Variants in FUT8 observed in about 807,000 individuals in gnomAD.
FUT8 encodes fucosyltransferase 8.
Under a neutral mutation model 71.3 loss-of-function variants are expected in FUT8, and 29 were observed. That is an observed-to-expected ratio of 0.41 (90% CI 0.30 to 0.55). FUT8 has a LOEUF of 0.55. Among genes scored for constraint, FUT8 ranks in the 20% least tolerant of loss-of-function variants. The pLI is 0.34. For synonymous variants in FUT8, 254 were observed against 239.3 expected (o/e 1.06, Z -0.57); for missense variants, 544 against 702.1 (o/e 0.77, Z 2.55).
At chr14:65,554,414 CTA>C (rs1181323036) in intron 2 of FUT8, among the ~76,000 whole-genome samples, 1 of 109,704 alleles carries the variant, frequency 9.1e-6, no homozygotes, top group Non-Finnish European at 1.9e-5. Flanking sequence ...TTTTTTTTAA[CTA>C]TATATCTATA....
chr14:65,544,884 G>C (rs1418042642), intron 2 of FUT8, among the ~76,000 whole-genome samples: 1 of 151,720 alleles, frequency 6.6e-6, no homozygotes, highest in African/African-American at 2.4e-5. Context: ...TTATAATCTT[G>C]GTAGGATTTA....
chr14:65,436,042 T>C (rs766971637), intron 1 of FUT8, among the ~76,000 whole-genome samples: 5 of 151,390 alleles, frequency 3.3e-5, no homozygotes, highest in Non-Finnish European at 5.9e-5. Context: ...GCAGTTCTTC[T>C]ACCTCAGTCT....
chr14:65,532,751 T>C (rs1373013038), intron 2 of FUT8, among the ~76,000 whole-genome samples: 1 of 152,220 alleles, frequency 6.6e-6, no homozygotes, highest in African/African-American at 2.4e-5. Context: ...TACGTTGTAT[T>C]CCAGGCTTTT....
At chr14:65,667,411 AT>A (rs1466482142) in intron 6 of FUT8, among the ~76,000 whole-genome samples, 2 of 152,118 alleles carry the variant, frequency 1.3e-5, no homozygotes, top group Non-Finnish European at 2.9e-5. Context: ...CAAGAATGCA[AT>A]CCTAGTCAAA....
chr14:65,595,870 A>G (rs1204887314), intron 3 of FUT8, among the ~76,000 whole-genome samples: 2 of 152,060 alleles, frequency 1.3e-5, no homozygotes, highest in Non-Finnish European at 2.9e-5. Context: ...CAGCTTCCCA[A>G]AGTGCTGGGA....
chr14:65,557,129 T>A (rs745695527), intron 2 of FUT8, among the ~76,000 whole-genome samples: 1 of 152,222 alleles, frequency 6.6e-6, no homozygotes, highest in Non-Finnish European at 1.5e-5. Context: ...TCTCCTTATC[T>A]TACTGATATT....
chr14:65,404,497 G>C, the FUT8 span, among the ~76,000 whole-genome samples: 6 of 147,952 alleles, frequency 4.1e-5, no homozygotes. Flanking sequence ...TTCTTTTTGA[G>C]ACAGAGTCTT....
intron 2 of FUT8, among the ~76,000 whole-genome samples, chr14:65,530,859 A>G (rs1315884935): frequency 7.0e-6 from 1 of 143,286 alleles, no homozygotes; most frequent in Non-Finnish European, 1.5e-5. Context: ...TCCTCTCTCC[A>G]TCTCTCCCCA....
At chr14:65,663,320 A>G (rs374919051) in intron 6 of FUT8, among the ~76,000 whole-genome samples, 2 of 152,044 alleles carry the variant, frequency 1.3e-5, no homozygotes, top group Admixed American at 6.6e-5. Flanking sequence ...GGGGTTTTCT[A>G]TGAAGTTCTT....
At chr14:65,441,782 G>C (rs1271407256) in intron 1 of FUT8, among the ~76,000 whole-genome samples, 2 of 140,846 alleles carry the variant, frequency 1.4e-5, no homozygotes, top group African/African-American at 5.2e-5. Context: ...AAAAAAATCA[G>C]TTTGTATTTA....
chr14:65,642,032 AT>A (rs1048338849), intron 6 of FUT8, among the ~76,000 whole-genome samples: 7 of 151,968 alleles, frequency 4.6e-5, no homozygotes, highest in African/African-American at 1.7e-4. Context: ...AAAGTTTTTA[AT>A]TTTGACAAAG....
chr14:65,642,853 T>TG (rs1186614556), intron 6 of FUT8, among the ~76,000 whole-genome samples: 1 of 152,236 alleles, frequency 6.6e-6, no homozygotes, highest in African/African-American at 2.4e-5. Context: ...ATATTGATCT[T>TG]GCATCTTGCC....
At chr14:65,474,506 G>A (rs2066204586) in intron 2 of FUT8, among the ~76,000 whole-genome samples, 1 of 145,564 alleles carries the variant, frequency 6.9e-6, no homozygotes, top group Non-Finnish European at 1.5e-5. Flanking sequence ...CATGGGGCTG[G>A]GCGAATCGCT....
intron 1 of FUT8, among the ~76,000 whole-genome samples, chr14:65,428,106 T>A (rs2065416717): frequency 6.6e-6 from 1 of 152,210 alleles, no homozygotes; most frequent in Non-Finnish European, 1.5e-5. Flanking sequence ...GCCTCTGCTT[T>A]TTCTTCCATA....
intron 1 of FUT8, among the ~76,000 whole-genome samples, chr14:65,439,958 ATAT>A (rs2065623094): frequency 4.2e-5 from 3 of 72,084 alleles, no homozygotes; most frequent in African/African-American, 2.0e-4. Flanking sequence ...GTGTGTGTAT[ATAT>A]ATATATATAT....
intron 9 of FUT8, among the ~76,000 whole-genome samples, chr14:65,729,154 T>A (rs571452932): frequency 8.7e-5 from 13 of 149,192 alleles, no homozygotes; most frequent in African/African-American, 3.2e-4. Context: ...GCTTCCTGAG[T>A]AGCTGGGACC....
chr14:65,623,822 CT>C (rs1380351370), intron 5 of FUT8, among the ~76,000 whole-genome samples: 2 of 152,164 alleles, frequency 1.3e-5, no homozygotes, highest in Non-Finnish European at 2.9e-5. Flanking sequence ...CCTTGCCTAG[CT>C]TTGTTATTTC....
chr14:65,652,882 A>T lies in FUT8; in HGVS notation c.598-16361A>T, dbSNP rs974045888. 1.3e-5 allele frequency among the ~76,000 whole-genome samples: 2 copies of T among 152,212 alleles called. No individual in the cohort carries two copies. Among genetic ancestry groups the T allele is most frequent in the Non-Finnish European group, 1.5e-5 (1 of 68,046 alleles). Reference sequence around the variant, plus strand: ...CTCTTGGCTGATGCTGGAAAGAGCCAAACATTTGGAGCATGCGATAGCAGG... The same window carrying T: ...CTCTTGGCTGATGCTGGAAAGAGCCTAACATTTGGAGCATGCGATAGCAGG... On this transcript the variant is annotated intron_variant, in intron 6 of 10. Coordinates refer to ENST00000673929, the MANE Select transcript of FUT8 (RefSeq NM_001371533.1). This position sits in a 1 kb window ranked among gnomAD's most constrained non-coding sequence, Gnocchi z 4.0.
Position 65,602,459 on chromosome 14 carries a change from C to T in FUT8, c.204-13519C>T, listed in dbSNP as rs139416887. On this transcript the variant is annotated intron_variant, in intron 3 of 10. Coordinates refer to ENST00000673929, the MANE Select transcript of FUT8 (RefSeq NM_001371533.1). ...ATTTGGTTCCACATTTTTGCAATTG[C>T]GAATTGTGCTGCTATAAACATGCAT... is the stretch of plus-strand genomic sequence containing the variant. 5.8e-3 allele frequency among the ~76,000 whole-genome samples: 851 copies of T among 147,312 alleles called. 29 individuals carry two copies. In the East Asian group the frequency reaches 0.093, roughly 16 times the overall value.
Sources: allele counts gnomAD v4.1 joint callset (sites outside exome capture counted in the v4.1 genomes callset), GRCh38; gene constraint gnomAD v4.1.1; non-coding constraint Gnocchi (gnomAD v3.1); transcripts MANE v1.5; gene names NCBI Gene and HGNC (gene_info 2026-07-23, HGNC 2026-07-21).